FAM168A: variants seen among roughly 807,000 people sequenced by gnomAD.
FAM168A encodes family with sequence similarity 168 member A.
A neutral mutation model predicts 28.5 loss-of-function variants in FAM168A; 3 were observed. That is an observed-to-expected ratio of 0.11 (90% CI 0.05 to 0.27). The LOEUF is 0.27. FAM168A is among the 10% of genes least tolerant of loss of function. The probability of loss-of-function intolerance (pLI) is 1.00; values close to 1 mark genes in which losing one functional copy is unlikely to be tolerated. For missense variants in FAM168A, 222 were observed against 311.5 expected (o/e 0.71, Z 2.16); for synonymous variants, 122 against 124.2 (o/e 0.98, Z 0.12).
At chr11:73,447,033 TCAA>T (rs1048352695) in intron 2 of FAM168A, among the ~76,000 whole-genome samples, 6 of 152,224 alleles carry the variant, frequency 3.9e-5, no homozygotes, top group African/African-American at 1.4e-4. Context: ...ATTTTACACT[TCAA>T]CAACAACATA....
At chr11:73,571,631 C>T (rs966876848) in intron 1 of FAM168A, among the ~76,000 whole-genome samples, 1 of 152,166 alleles carries the variant, frequency 6.6e-6, no homozygotes, top group African/African-American at 2.4e-5. Flanking sequence ...CTTGGCCTCC[C>T]AAAGTGCAGA....
intron 1 of FAM168A, among the ~76,000 whole-genome samples, chr11:73,570,690 C>T (rs559348791): frequency 1.5e-4 from 22 of 149,962 alleles, no homozygotes; most frequent in Admixed American, 1.0e-3. Flanking sequence ...ATCATGATCA[C>T]GTCACTGTAC....
At chr11:73,555,752 A>C (rs1007059607) in intron 1 of FAM168A, among the ~76,000 whole-genome samples, 2 of 152,040 alleles carry the variant, frequency 1.3e-5, no homozygotes, top group Non-Finnish European at 2.9e-5. Context: ...GCAACGTCCA[A>C]AGTGAGGACA....
chr11:73,430,842 A>AAAAT, intron 2 of FAM168A, 72 bp from the exon 3 acceptor site: 4 of 1,269,530 alleles, frequency 3.2e-6, no homozygotes, highest in Non-Finnish European at 4.4e-6. Flanking sequence ...AAACAAAAAA[A>AAAAT]CACCCAGATT....
At chr11:73,463,080 T>C (rs1430623769) in intron 2 of FAM168A, among the ~76,000 whole-genome samples, 1 of 152,078 alleles carries the variant, frequency 6.6e-6, no homozygotes, top group African/African-American at 2.4e-5. Flanking sequence ...GCGATTCTCA[T>C]GCCTCAGCCT....
chr11:73,596,774 T>G (rs1375017663), intron 1 of FAM168A, among the ~76,000 whole-genome samples: 2 of 151,954 alleles, frequency 1.3e-5, no homozygotes, highest in Non-Finnish European at 2.9e-5. Context: ...CTCTCCATCC[T>G]CTCTGCCCCA....
intron 1 of FAM168A, among the ~76,000 whole-genome samples, chr11:73,566,650 A>C (rs572342580): frequency 6.6e-6 from 1 of 152,364 alleles, no homozygotes; most frequent in South Asian, 2.1e-4. Flanking sequence ...CATCATGATA[A>C]GAAAAACACA....
chr11:73,499,566 A>C (rs1009777428), intron 1 of FAM168A, among the ~76,000 whole-genome samples: 4 of 152,136 alleles, frequency 2.6e-5, no homozygotes, highest in Non-Finnish European at 4.4e-5. Flanking sequence ...ATGGGTAATA[A>C]AAAACTATGA....
intron 1 of FAM168A, among the ~76,000 whole-genome samples, chr11:73,490,756 T>G (rs546182621): frequency 6.6e-6 from 1 of 152,184 alleles, no homozygotes. Context: ...CTCAACATTA[T>G]AGTTATCTTC....
intron 4 of FAM168A, among the ~76,000 whole-genome samples, chr11:73,419,098 C>T (rs967053175): frequency 7.2e-5 from 11 of 152,178 alleles, no homozygotes; most frequent in Non-Finnish European, 1.6e-4. Flanking sequence ...GCATGAGCCA[C>T]CGCGCCCGGC....
chr11:73,522,217 A>AT (rs1943390140), intron 1 of FAM168A, among the ~76,000 whole-genome samples: 1 of 151,218 alleles, frequency 6.6e-6, no homozygotes, highest in African/African-American at 2.4e-5. Flanking sequence ...AAAAAAAAAA[A>AT]TGGACATGGC....
chr11:73,454,456 G>C (rs1288292753), intron 2 of FAM168A, among the ~76,000 whole-genome samples: 1 of 152,178 alleles, frequency 6.6e-6, no homozygotes, highest in East Asian at 1.9e-4. Context: ...CATGCTTCAA[G>C]ATTCACGCTT....
chr11:73,409,081 T>C (rs936508177), intron 6 of FAM168A, among the ~76,000 whole-genome samples: 1 of 152,080 alleles, frequency 6.6e-6, no homozygotes, highest in African/African-American at 2.4e-5. Flanking sequence ...TTGACCCCCA[T>C]TGTGTGCAAC....
chr11:73,476,999 T>A (rs1867897274), intron 1 of FAM168A, among the ~76,000 whole-genome samples: 1 of 150,384 alleles, frequency 6.6e-6, no homozygotes, highest in Admixed American at 6.6e-5. Context: ...GAAAATTAGG[T>A]GGGAAAAATG....
intron 2 of FAM168A, among the ~76,000 whole-genome samples, chr11:73,455,806 G>A (rs796681907): frequency 1.3e-5 from 2 of 152,288 alleles, no homozygotes; most frequent in African/African-American, 4.8e-5. Flanking sequence ...TATAAAATAG[G>A]CAGGAGCAGA....
At chr11:73,454,582 G>A (rs1867493079) in intron 2 of FAM168A, among the ~76,000 whole-genome samples, 1 of 152,044 alleles carries the variant, frequency 6.6e-6, no homozygotes, top group Admixed American at 6.5e-5. Flanking sequence ...CAAAAAGCCT[G>A]AAACCGCGGC....
In FAM168A at chr11:73,408,674, G is replaced by T. The variant is rs192266555; in HGVS notation, c.595+813C>A. Among the ~76,000 whole-genome samples the T allele has an allele frequency of 2.6e-3, 392 of 151,942 alleles. 10 individuals carry two copies. Among genetic ancestry groups the T allele is most frequent in the Admixed American group, 0.024 (365 of 15,282 alleles). ...GCATGCCTGTGGTCCCAGCTACTTG[G>T]GAGGCTGAGGTGGGAAGATCACTTG... On this transcript the variant is annotated intron_variant, in intron 6 of 7. Transcript: ENST00000356467.
chr11:73,416,837 A>G (rs1301726856), intron 4 of FAM168A, among the ~76,000 whole-genome samples: 4 of 151,722 alleles, frequency 2.6e-5, no homozygotes, highest in South Asian at 2.1e-4. Flanking sequence ...TCCCAGCTAC[A>G]TGGGAGGCTG....
intron 1 of FAM168A, among the ~76,000 whole-genome samples, chr11:73,557,186 G>A (rs923735888): frequency 3.9e-5 from 6 of 152,138 alleles, no homozygotes; most frequent in African/African-American, 1.4e-4. Context: ...ATTCTGACAC[G>A]TACCAAAACA....
Sources: gnomAD v4.1 joint callset for allele counts (sites outside exome capture counted in the v4.1 genomes callset) on GRCh38, gnomAD v4.1.1 for gene constraint, MANE v1.5 for transcripts, NCBI Gene and HGNC (gene_info 2026-07-23, HGNC 2026-07-21) for gene names.